The following CDK17 variants were observed in gnomAD, a reference collection of about 807,000 sequenced individuals.
CDK17 encodes cyclin-dependent kinase 17.
In CDK17, 24 loss-of-function variants were observed where a neutral mutation model predicts 77.6. The observed-to-expected ratio is 0.31, with a 90% CI of 0.22 to 0.44. CDK17 has a LOEUF of 0.44. Among genes scored for constraint, CDK17 ranks in the 20% least tolerant of loss-of-function variants. The probability of loss-of-function intolerance (pLI) is 1.00; values close to 1 mark genes in which losing one functional copy is unlikely to be tolerated. For synonymous variants in CDK17, 203 were observed against 210.4 expected (o/e 0.96, Z 0.30); for missense variants, 429 against 622.5 (o/e 0.69, Z 3.31).
At chr12:96,322,017 G>A (rs1952824934) in intron 3 of CDK17, among the ~76,000 whole-genome samples, 1 of 151,914 alleles carries the variant, frequency 6.6e-6, no homozygotes, top group South Asian at 2.1e-4. Context: ...GGAATTGGAC[G>A]ACAAAGAAAG....
At chr12:96,375,892 T>C (rs947370250) in intron 1 of CDK17, among the ~76,000 whole-genome samples, 3 of 152,150 alleles carry the variant, frequency 2.0e-5, no homozygotes, top group Non-Finnish European at 4.4e-5. Flanking sequence ...GTCTGACACC[T>C]AATTGTTAAA....
chr12:96,343,487 T>C (rs1293525575), intron 1 of CDK17, among the ~76,000 whole-genome samples: 1 of 152,250 alleles, frequency 6.6e-6, no homozygotes, highest in East Asian at 1.9e-4. Context: ...CAGAGGCAGA[T>C]GCTTGCCTTT....
intron 6 of CDK17, among the ~76,000 whole-genome samples, chr12:96,299,387 A>G (rs918503421): frequency 9.0e-6 from 1 of 111,204 alleles, no homozygotes; most frequent in Non-Finnish European, 1.7e-5. Flanking sequence ...TTAAATGATA[A>G]ATTTTTTTTT....
intron 1 of CDK17, among the ~76,000 whole-genome samples, chr12:96,381,681 A>G (rs530605515): frequency 2.6e-4 from 40 of 152,178 alleles, no homozygotes; most frequent in African/African-American, 9.6e-4. Context: ...GTGTTTTGCC[A>G]CACTAGATAT....
chr12:96,305,451 A>G (rs1952565109), intron 5 of CDK17, among the ~76,000 whole-genome samples: 1 of 152,244 alleles, frequency 6.6e-6, no homozygotes, highest in African/African-American at 2.4e-5. Context: ...GAAGAACTAT[A>G]TAATTTTTGT....
intron 3 of CDK17, among the ~76,000 whole-genome samples, chr12:96,318,955 A>C (rs1351338475): frequency 8.3e-5 from 12 of 144,678 alleles, no homozygotes; most frequent in African/African-American, 3.1e-4. Context: ...AAATCAGAGC[A>C]GAACTGAAGG....
intron 1 of CDK17, among the ~76,000 whole-genome samples, chr12:96,342,993 A>C (rs1403598104): frequency 3.9e-5 from 6 of 152,194 alleles, no homozygotes. Context: ...TGATGTGTTC[A>C]AATCTGAGGC....
chr12:96,393,335 A>AG (rs964698048), intron 1 of CDK17, among the ~76,000 whole-genome samples: 1 of 118,524 alleles, frequency 8.4e-6, no homozygotes, highest in Non-Finnish European at 1.6e-5. Flanking sequence ...ATTGTACTCC[A>AG]GCCTGTGAGG....
intron 1 of CDK17, among the ~76,000 whole-genome samples, chr12:96,394,744 C>T (rs1954138978): frequency 3.4e-5 from 5 of 145,660 alleles, no homozygotes; most frequent in Admixed American, 7.1e-5. Context: ...CTTGAGATCA[C>T]GCAACTGCAA....
chr12:96,286,022 T>C (rs778405887), intron 13 of CDK17, 21 bp downstream of exon 13: 1 of 1,229,552 alleles, frequency 8.1e-7, no homozygotes. Flanking sequence ...TTCCCCCCTT[T>C]CACATAAGAA....
At chr12:96,316,362 G>A (rs1442526541) in intron 3 of CDK17, among the ~76,000 whole-genome samples, 6,618 of 149,016 alleles carry the variant, frequency 0.044, 194 homozygotes, top group East Asian at 0.11. Context: ...ACCGCAAGGC[G>A]GCAGCGAGGC....
chr12:96,389,758 G>A (rs1011770665), intron 1 of CDK17, among the ~76,000 whole-genome samples: 5 of 151,854 alleles, frequency 3.3e-5, no homozygotes, highest in African/African-American at 9.7e-5. Context: ...CCATAATCTC[G>A]AACTAATATT....
chr12:96,355,464 G>T (rs1368476564), intron 1 of CDK17, among the ~76,000 whole-genome samples: 1 of 139,984 alleles, frequency 7.1e-6, no homozygotes, highest in Non-Finnish European at 1.5e-5. Context: ...GAGTGTAATG[G>T]CACGATCTCA....
At chr12:96,313,538 C>A in intron 3 of CDK17, 84 bp from the exon 4 acceptor site, 1 of 728,090 alleles carries the variant, frequency 1.4e-6, no homozygotes, top group Non-Finnish European at 2.0e-6. Context: ...ATATAGAAGG[C>A]CAACGAGTAA....
chr12:96,370,701 G>C (rs1353367306), intron 1 of CDK17, among the ~76,000 whole-genome samples: 1 of 152,148 alleles, frequency 6.6e-6, no homozygotes, highest in Admixed American at 6.5e-5. Context: ...AAACTAAAAG[G>C]CAAAAGCAGA....
rs1306288938 is a variant in CDK17, at chr12:96,298,860, T to C, written c.715+9A>G. 7 of 1,438,666 alleles carry C rather than the reference T, an allele frequency of 4.9e-6. No homozygotes were observed. In the Middle Eastern group the frequency reaches 5.3e-4, roughly 109 times the overall value. 89.1% of individuals were successfully genotyped at this position (1,438,666 alleles called of 1,614,324 possible). A position where few individuals can be genotyped will look rare whatever the true frequency, so the allele number is the denominator to read the frequency against. On this transcript the variant is annotated intron_variant, in intron 7 of 16. Coordinates refer to ENST00000261211, the MANE Select transcript of CDK17 (RefSeq NM_002595.5). Reference sequence around the variant, plus strand: ...TTTGATTTTAAAATGTTCTGTATAATTATTATACCTTCTCTTATAGCTGTG... The same window carrying C: ...TTTGATTTTAAAATGTTCTGTATAACTATTATACCTTCTCTTATAGCTGTG...
At chr12:96,382,331 C>A (rs1953897620) in intron 1 of CDK17, among the ~76,000 whole-genome samples, 1 of 142,250 alleles carries the variant, frequency 7.0e-6, no homozygotes, top group Non-Finnish European at 1.5e-5. Flanking sequence ...AGACAAATAA[C>A]AAGTTCCAAA....
At chr12:96,382,126 G>A (rs1953893752) in intron 1 of CDK17, among the ~76,000 whole-genome samples, 2 of 151,950 alleles carry the variant, frequency 1.3e-5, no homozygotes, top group African/African-American at 2.4e-5. Flanking sequence ...GGTGTGGGCG[G>A]GTGGGAAAGG....
chr12:96,305,087 G>A (rs2137094129), intron 5 of CDK17, among the ~76,000 whole-genome samples: 1 of 152,230 alleles, frequency 6.6e-6, no homozygotes, highest in South Asian at 2.1e-4. Context: ...TTATCGTAAG[G>A]GCAAGGAAGC....
Sources: allele counts gnomAD v4.1 joint callset (sites outside exome capture counted in the v4.1 genomes callset), GRCh38; gene constraint gnomAD v4.1.1; transcripts MANE v1.5; gene names NCBI Gene and HGNC (gene_info 2026-07-23, HGNC 2026-07-21).